The following CPED1 variants were observed in gnomAD, a reference collection of about 807,000 sequenced individuals.
CPED1 encodes cadherin like and PC-esterase domain containing 1, also known as cadherin-like and PC-esterase domain-containing protein 1.
Under a neutral mutation model 128.2 loss-of-function variants are expected in CPED1, and 114 were observed. The observed-to-expected ratio is 0.89, with a 90% confidence interval of 0.76 to 1.04. The LOEUF (loss-of-function observed/expected upper bound fraction) is 1.04. CPED1 is among the 50% of genes least tolerant of loss of function. CPED1 has a pLI of 0.00. For synonymous variants in CPED1, 462 were observed against 426.7 expected (o/e 1.08, Z -1.02); for missense variants, 1,211 against 1,207.1 (o/e 1.00, Z -0.05).
At chr7:121,035,726 A>G (rs905626979) in intron 3 of CPED1, among the ~76,000 whole-genome samples, 1 of 152,068 alleles carries the variant, frequency 6.6e-6, no homozygotes, top group Non-Finnish European at 1.5e-5. Flanking sequence ...CAAGCTACTC[A>G]GGAGGCTGAG....
At chr7:121,131,450 G>A (rs1795661704) in intron 12 of CPED1, among the ~76,000 whole-genome samples, 1 of 151,102 alleles carries the variant, frequency 6.6e-6, no homozygotes, top group East Asian at 1.9e-4. Context: ...TATTATAGAT[G>A]GGTGAAAAAC....
chr7:121,019,512 C>T (rs1792384123), intron 3 of CPED1, among the ~76,000 whole-genome samples: 1 of 152,092 alleles, frequency 6.6e-6, no homozygotes, highest in Non-Finnish European at 1.5e-5. Flanking sequence ...AAGCACTGTT[C>T]TGAGGGACAT....
intron 13 of CPED1, among the ~76,000 whole-genome samples, 162 bp downstream of exon 13, chr7:121,134,055 A>T (rs1233348357): frequency 6.6e-6 from 1 of 152,044 alleles, no homozygotes; most frequent in Non-Finnish European, 1.5e-5. Flanking sequence ...AATTATAGAG[A>T]GGGAATCCAG....
At chr7:121,227,323 A>T (rs1288676154) in intron 16 of CPED1, among the ~76,000 whole-genome samples, 1 of 152,042 alleles carries the variant, frequency 6.6e-6, no homozygotes, top group East Asian at 1.9e-4. Context: ...CGTGTTTTGA[A>T]TGTTTATCAC....
chr7:121,016,631 T>TGGTG (rs1321016820), intron 3 of CPED1, among the ~76,000 whole-genome samples: 1 of 152,226 alleles, frequency 6.6e-6, no homozygotes, highest in African/African-American at 2.4e-5. Context: ...GATGGACAGA[T>TGGTG]GGTGATACCT....
intron 16 of CPED1, among the ~76,000 whole-genome samples, chr7:121,226,308 C>T (rs1011158411): frequency 5.3e-5 from 8 of 151,900 alleles, no homozygotes; most frequent in South Asian, 2.1e-4. Flanking sequence ...TGTCACCAGC[C>T]GAGGCTTGGT....
intron 16 of CPED1, among the ~76,000 whole-genome samples, chr7:121,225,671 T>C (rs927180167): frequency 6.6e-6 from 1 of 152,168 alleles, no homozygotes; most frequent in Non-Finnish European, 1.5e-5. Context: ...GAGGCTTTGT[T>C]CATTTCTTTT....
At chr7:121,212,217 A>G (rs1040214947) in intron 16 of CPED1, among the ~76,000 whole-genome samples, 3 of 152,054 alleles carry the variant, frequency 2.0e-5, no homozygotes, top group Admixed American at 1.3e-4. Context: ...CCCAAATGCA[A>G]CTAGACAAAA....
At chr7:121,060,046 G>T (rs1422919176) in intron 4 of CPED1, among the ~76,000 whole-genome samples, 2 of 146,132 alleles carry the variant, frequency 1.4e-5, no homozygotes, top group Non-Finnish European at 2.9e-5. Context: ...GCGTGGGCTT[G>T]GCGGGCCCTG....
intron 16 of CPED1, among the ~76,000 whole-genome samples, chr7:121,179,249 G>A (rs1052791002): frequency 3.9e-5 from 6 of 152,064 alleles, no homozygotes; most frequent in African/African-American, 7.2e-5. Flanking sequence ...TAGGCTGCAA[G>A]CCTAAGAAAT....
intron 16 of CPED1, among the ~76,000 whole-genome samples, chr7:121,167,060 G>A (rs1002686553): frequency 6.6e-6 from 1 of 152,164 alleles, no homozygotes; most frequent in Admixed American, 6.5e-5. Flanking sequence ...AGGGAGGAAG[G>A]TAAAAACAGC....
At chr7:121,193,939 A>G (rs1378705666) in intron 16 of CPED1, among the ~76,000 whole-genome samples, 1 of 149,248 alleles carries the variant, frequency 6.7e-6, no homozygotes, top group Non-Finnish European at 1.5e-5. Context: ...AGAAATTAAT[A>G]TCTGTGGACT....
intron 2 of CPED1, among the ~76,000 whole-genome samples, chr7:121,005,264 C>CT (rs1262058063): frequency 3.3e-5 from 5 of 152,090 alleles, no homozygotes; most frequent in African/African-American, 1.2e-4. Flanking sequence ...TGAACTCATC[C>CT]TTTTTTATGG....
At chr7:121,008,852 C>T (rs1792091969) in intron 2 of CPED1, among the ~76,000 whole-genome samples, 1 of 152,144 alleles carries the variant, frequency 6.6e-6, no homozygotes, top group Admixed American at 6.5e-5. Context: ...CTAGAAAATG[C>T]TCAAAAATGT....
chr7:121,206,039 T>G (rs1191670236), intron 16 of CPED1, among the ~76,000 whole-genome samples: 1 of 152,034 alleles, frequency 6.6e-6, no homozygotes, highest in Non-Finnish European at 1.5e-5. Context: ...GCTCCCTCTA[T>G]GTAAGTACAG....
At chr7:121,266,160 T>G in intron 18 of CPED1, 67 bp from the exon 19 acceptor site, 1 of 1,260,976 alleles carries the variant, frequency 7.9e-7, no homozygotes, top group Non-Finnish European at 1.1e-6. Flanking sequence ...AATTTCATTA[T>G]TTTAAACTAT....
chr7:121,167,791 G>A (rs892103736), intron 16 of CPED1, among the ~76,000 whole-genome samples: 3 of 147,334 alleles, frequency 2.0e-5, no homozygotes, highest in African/African-American at 7.6e-5. Flanking sequence ...GAGTGCAGTG[G>A]AGCGATCTCG....
chr7:121,273,806 T>C (rs530871615), intron 22 of CPED1, among the ~76,000 whole-genome samples: 22 of 152,258 alleles, frequency 1.4e-4, no homozygotes, highest in African/African-American at 5.1e-4. Context: ...CAAGAAAATA[T>C]ACAACGTTTA....
chr7:121,077,740 TTG>T (rs1794169118), intron 5 of CPED1, among the ~76,000 whole-genome samples: 1 of 151,362 alleles, frequency 6.6e-6, no homozygotes, highest in Non-Finnish European at 1.5e-5. Flanking sequence ...ACAATATGCT[TTG>T]TTTTAAAATA....
Sources: gnomAD v4.1 joint callset for allele counts (sites outside exome capture counted in the v4.1 genomes callset) on GRCh38, gnomAD v4.1.1 for gene constraint, MANE v1.5 for transcripts, NCBI Gene and HGNC (gene_info 2026-07-23, HGNC 2026-07-21) for gene names.